KDM3B: variants seen among roughly 807,000 people sequenced by gnomAD.
The protein encoded by KDM3B is lysine-specific demethylase 3B.
A neutral mutation model predicts 170.0 loss-of-function variants in KDM3B; 10 were observed. The observed-to-expected ratio is 0.06, with a 90% CI of 0.04 to 0.10. The LOEUF is 0.10. Ranked by LOEUF, KDM3B falls within the 10% of genes least tolerant of loss-of-function variation. The pLI is 1.00. For synonymous variants in KDM3B, 831 were observed against 834.8 expected (o/e 1.00, Z 0.08); for missense variants, 1,394 against 2,195.2 (o/e 0.64, Z 7.29).
intron 1 of KDM3B, among the ~76,000 whole-genome samples, chr5:138,354,602 C>T (rs905851717): frequency 5.9e-5 from 9 of 152,156 alleles, no homozygotes; most frequent in African/African-American, 1.7e-4. Context: ...TTCACTTTGT[C>T]GTTTGCTGTG....
intron 7 of KDM3B, among the ~76,000 whole-genome samples, chr5:138,390,626 G>A (rs184715964): frequency 6.1e-4 from 93 of 152,134 alleles, no homozygotes; most frequent in Middle Eastern, 3.4e-3. Flanking sequence ...ATATTACAGG[G>A]GTCACTGTAA....
At chr5:138,419,528 G>C (rs1042921694) in intron 14 of KDM3B, among the ~76,000 whole-genome samples, 1 of 150,926 alleles carries the variant, frequency 6.6e-6, no homozygotes, top group African/African-American at 2.4e-5. Context: ...GGTGGCGGGT[G>C]CCTGTAGTCC....
At chr5:138,396,711 T>C (rs1762556578) in intron 9 of KDM3B, among the ~76,000 whole-genome samples, 1 of 151,976 alleles carries the variant, frequency 6.6e-6, no homozygotes, top group Non-Finnish European at 1.5e-5. Context: ...GGAGGTTGTT[T>C]TCTGGCTCCT....
intron 14 of KDM3B, among the ~76,000 whole-genome samples, chr5:138,419,746 C>T (rs1272330281): frequency 2.0e-5 from 3 of 147,138 alleles, no homozygotes; most frequent in Middle Eastern, 3.6e-3. Context: ...CACACACACA[C>T]ACACACACAC....
At chr5:138,369,483 C>A (rs747541183) in intron 1 of KDM3B, among the ~76,000 whole-genome samples, 36 of 152,104 alleles carry the variant, frequency 2.4e-4, no homozygotes, top group Admixed American at 6.6e-4. Flanking sequence ...TATACACACA[C>A]AAAAAACCTT....
At chr5:138,380,626 T>C (rs1762103863) in intron 5 of KDM3B, among the ~76,000 whole-genome samples, 1 of 152,144 alleles carries the variant, frequency 6.6e-6, no homozygotes, top group Non-Finnish European at 1.5e-5. Flanking sequence ...TGAACATTTT[T>C]TACATTATTT....
rs750401072 is a variant in KDM3B, at chr5:138,386,152, G to T, written c.911G>T (p.Gly304Val). 1.2e-6 allele frequency: 2 copies of T among 1,614,166 alleles called. No homozygotes were observed. The highest frequency in any genetic ancestry group is 1.7e-6 in the Non-Finnish European group (2 of 1,180,030). Residue 304 changes from glycine to valine, a missense_variant, in exon 7 of 24, where the codon GGA becomes GTA. This residue lies in a region of KDM3B where 205 missense variants were observed against 227.6 expected (regional missense o/e 0.90). Transcript: ENST00000314358. Reference sequence around the variant, plus strand: ...GACCCTGCATCAAAGAAATTAAAAGGAGACAGGGGTGAAGTAGACAGTAAT... The same window carrying T: ...GACCCTGCATCAAAGAAATTAAAAGTAGACAGGGGTGAAGTAGACAGTAAT... The part of the protein sequence containing the change: ...GCDPASKKLK[G>V]DRGEVDSNGS...
Position 138,400,000 on chromosome 5 carries a change from C to T in KDM3B, c.3187C>T (p.Arg1063Trp), listed in dbSNP as rs748764499. 4 of 1,614,024 alleles carry T rather than the reference C, an allele frequency of 2.5e-6. No homozygotes were observed. The highest frequency in any genetic ancestry group is 1.1e-5 in the South Asian group (1 of 91,086). The change falls in exon 11 of 24, where the codon CGG becomes TGG. Residue 1063 changes from arginine (R) to tryptophan (W), a missense_variant. By Grantham distance (101) the Arg-to-Trp change is moderately radical. Transcript: ENST00000314358. ...CLDCYRLRKS[R>W]PRSETEEMGD... ...TGACTGTTACCGGCTCAGGAAAAGC[C>T]GGCCACGCAGTGGTAAGTAAACATT...
chr5:138,355,532 A>G (rs1026657459), intron 1 of KDM3B, among the ~76,000 whole-genome samples: 1 of 152,208 alleles, frequency 6.6e-6, no homozygotes, highest in Non-Finnish European at 1.5e-5. Flanking sequence ...CATGCTGACA[A>G]ATTACTCAGA....
Position 138,393,217 on chromosome 5 carries a change from G to A in KDM3B, c.2676G>A (p.Lys892=), listed in dbSNP as rs946511809. 1 of 1,614,214 alleles carries A rather than the reference G, an allele frequency of 6.2e-7. No individual in the cohort carries two copies. Among genetic ancestry groups the A allele is most frequent in the Non-Finnish European group, 8.5e-7 (1 of 1,180,044 alleles). The change falls in exon 9 of 24, where the codon AAG becomes AAA. Residue 892 remains lysine, a synonymous_variant. Coordinates refer to ENST00000314358, the MANE Select transcript of KDM3B (RefSeq NM_016604.4). ...ATGTAAGCAAAGTGAAGAAGCTGAA[G>A]CAATCTGGAGAGCCCTTCCTGCAGG... ...LKDVSKVKKL[K]QSGEPFLQDG...
chr5:138,363,660 C>T (rs1467454129), intron 1 of KDM3B, among the ~76,000 whole-genome samples: 2 of 152,172 alleles, frequency 1.3e-5, no homozygotes, highest in East Asian at 1.9e-4. Context: ...GATTCTCCTG[C>T]CTCAGCCTCC....
chr5:138,368,449 T>G (rs1184435570), intron 1 of KDM3B, among the ~76,000 whole-genome samples: 1 of 152,008 alleles, frequency 6.6e-6, no homozygotes, highest in Non-Finnish European at 1.5e-5. Flanking sequence ...TTGCCAGGGC[T>G]GGTTTTGAAC....
rs931297845 is a variant in KDM3B, at chr5:138,419,024, A to T, written c.3507A>T (p.Pro1169=). 69 of 1,614,102 alleles carry T rather than the reference A, an allele frequency of 4.3e-5. No homozygotes were observed. Among genetic ancestry groups the T allele is most frequent in the Non-Finnish European group, 5.8e-5 (68 of 1,180,038 alleles). ...TTFSGGGGPA[P]VTTPEPDHVP... ...TCTCTGGTGGAGGAGGACCGGCACCAGTAACAACTCCAGAGCCGGACCATG... is the reference window on the plus strand; with the variant it reads ...TCTCTGGTGGAGGAGGACCGGCACCTGTAACAACTCCAGAGCCGGACCATG... Residue 1169 remains proline, a synonymous_variant, in exon 14 of 24, where the codon CCA becomes CCT. Transcript: ENST00000314358.
chr5:138,435,900 C>T lies in KDM3B; in HGVS notation c.*200C>T. 1 of 557,030 alleles carries T rather than the reference C, an allele frequency of 1.8e-6. No homozygotes were observed. Among genetic ancestry groups the T allele is most frequent in the South Asian group, 2.2e-5 (1 of 45,940 alleles). 34.5% of individuals were successfully genotyped at this position (557,030 alleles called of 1,614,324 possible). On this transcript the variant is annotated 3_prime_UTR_variant, in exon 24 of 24. Coordinates refer to ENST00000314358, the MANE Select transcript of KDM3B (RefSeq NM_016604.4). ...AGGAAAGTCGTACTGTTCACACACA[C>T]AGTTTGAGACTCCAAGCCAAGAGTG...
intron 11 of KDM3B, among the ~76,000 whole-genome samples, chr5:138,413,786 A>G (rs527679143): frequency 2.9e-4 from 44 of 151,982 alleles, no homozygotes; most frequent in Non-Finnish European, 4.1e-4. Context: ...AGCATACATC[A>G]CCATGCTTGG....
At chr5:138,429,801 G>C in intron 20 of KDM3B, 25 bp from the exon 21 acceptor site, 2 of 1,611,968 alleles carry the variant, frequency 1.2e-6, no homozygotes, top group Non-Finnish European at 1.7e-6. Context: ...TGACTACATT[G>C]AAAGTGTCAT....
intron 11 of KDM3B, among the ~76,000 whole-genome samples, chr5:138,404,052 T>G (rs973069862): frequency 6.6e-6 from 1 of 151,654 alleles, no homozygotes; most frequent in African/African-American, 2.4e-5. Context: ...TTGCAGACAT[T>G]GACAAAAGAA....
At chr5:138,431,329 T>A in intron 22 of KDM3B, 96 bp from the exon 23 acceptor site, 1 of 1,036,900 alleles carries the variant, frequency 9.6e-7, no homozygotes, top group Non-Finnish European at 1.3e-6. Flanking sequence ...TTATACCTAT[T>A]TCTCAAGGGT....
At chr5:138,430,082 A>AT in intron 21 of KDM3B, 117 bp downstream of exon 21, 8 of 1,421,820 alleles carry the variant, frequency 5.6e-6, no homozygotes, top group Non-Finnish European at 5.7e-6. Context: ...GTTGGCCATG[A>AT]TACCTCTGGT....
Sources: gnomAD v4.1 joint callset for allele counts (sites outside exome capture counted in the v4.1 genomes callset) on GRCh38, gnomAD v4.1.1 for gene constraint, gnomAD v4.1.1 regional missense constraint, MANE v1.5 for transcripts, NCBI Gene and HGNC (gene_info 2026-07-23, HGNC 2026-07-21) for gene names.